CLASP2: variants seen among roughly 807,000 people sequenced by gnomAD.
The protein encoded by CLASP2 is cytoplasmic linker associated protein 2.
Under a neutral mutation model 194.4 loss-of-function variants are expected in CLASP2, and 47 were observed. The ratio of observed to expected loss-of-function variants is 0.24; its 90% CI spans 0.19 to 0.31. The LOEUF is 0.31. Ranked by LOEUF, CLASP2 falls within the 10% of genes least tolerant of loss-of-function variation. The probability of loss-of-function intolerance (pLI) is 1.00; values close to 1 mark genes in which losing one functional copy is unlikely to be tolerated. For synonymous variants in CLASP2, 619 were observed against 633.5 expected, an observed-to-expected ratio of 0.98 and a Z score of 0.34; for missense variants, 1,445 against 1,823.6, an observed-to-expected ratio of 0.79 and a Z score of 3.78.
At chr3:33,520,038 G>A (rs2154107159) in intron 34 of CLASP2, among the ~76,000 whole-genome samples, 1 of 152,264 alleles carries the variant, frequency 6.6e-6, no homozygotes, top group East Asian at 1.9e-4. Context: ...TTCTGAGACA[G>A]AGTCTTGCTC....
chr3:33,526,623 A>C (rs1275131734), intron 34 of CLASP2, among the ~76,000 whole-genome samples: 2 of 152,184 alleles, frequency 1.3e-5, no homozygotes, highest in Non-Finnish European at 2.9e-5. Context: ...CATTGGACCA[A>C]ATGGATCTGA....
chr3:33,622,946 T>C (rs2077346383), intron 10 of CLASP2, among the ~76,000 whole-genome samples: 3 of 151,912 alleles, frequency 2.0e-5, no homozygotes, highest in African/African-American at 7.3e-5. Context: ...GTAGCTGGGA[T>C]TACAGATACA....
rs1027731514 is a variant in CLASP2 at position 33,571,015 on chromosome 3, A to ATTTTTTTTTTTTT, written c.2700-238_2700-226dup. On this transcript the variant is annotated intron_variant, in intron 25 of 38. Coordinates refer to ENST00000682230, the MANE Select transcript of CLASP2 (RefSeq NM_001365631.1). ...AGATGGCAAGATCCTGTCTCTATAA[A>ATTTTTTTTTTTTT]TTTTTTTTTTTTTTTTTTGAGACGG... 5.5e-4 allele frequency among the ~76,000 whole-genome samples: 68 copies of ATTTTTTTTTTTTT among 123,906 alleles called. 5 individuals carry two copies. In the East Asian group the frequency reaches 8.5e-3, roughly 15 times the overall value. 81.3% of individuals were successfully genotyped at this position (123,906 alleles called of 152,430 possible).
intron 13 of CLASP2, among the ~76,000 whole-genome samples, chr3:33,610,880 C>T (rs2075035993): frequency 6.6e-6 from 1 of 152,184 alleles, no homozygotes. Context: ...CAGCTTCTTC[C>T]TAACACAGTA....
At chr3:33,662,498 T>C (rs999967839) in intron 7 of CLASP2, among the ~76,000 whole-genome samples, 1 of 152,338 alleles carries the variant, frequency 6.6e-6, no homozygotes, top group South Asian at 2.1e-4. Context: ...GAAGTCAATT[T>C]ATGCTTCTGG....
At chr3:33,700,376 G>A (rs1456676953) in intron 1 of CLASP2, among the ~76,000 whole-genome samples, 1 of 152,076 alleles carries the variant, frequency 6.6e-6, no homozygotes, top group Non-Finnish European at 1.5e-5. Flanking sequence ...GCAGTGAGCT[G>A]AGATTGTGTC....
chr3:33,545,909 GA>G (rs398062225), intron 30 of CLASP2, among the ~76,000 whole-genome samples: 314 of 124,384 alleles, frequency 2.5e-3, no homozygotes, highest in Non-Finnish European at 2.8e-3. Context: ...GACTTAAAAG[GA>G]AAAAAAAAAA....
At chr3:33,663,863 A>T (rs879249974) in intron 6 of CLASP2, among the ~76,000 whole-genome samples, 2 of 152,194 alleles carry the variant, frequency 1.3e-5, no homozygotes, top group Non-Finnish European at 2.9e-5. Flanking sequence ...TCACCAAGAC[A>T]TCTTTTAAAG....
intron 33 of CLASP2, 44 bp downstream of exon 33, chr3:33,538,745 G>A: frequency 7.0e-7 from 1 of 1,421,672 alleles, no homozygotes; most frequent in Non-Finnish European, 9.3e-7. Context: ...AATTATTAAT[G>A]AACAATAAAA....
chr3:33,576,321 A>G (rs2064876349), intron 23 of CLASP2, 46 bp from the exon 24 acceptor site: 1 of 1,478,580 alleles, frequency 6.8e-7, no homozygotes, highest in Non-Finnish European at 9.4e-7. Flanking sequence ...AGTCATAAAT[A>G]TAACAGTGTC....
rs776980356 is a variant in CLASP2, at chr3:33,559,373, T to G, written c.2943A>C (p.Pro981=). 1.5e-5 allele frequency: 24 copies of G among 1,587,834 alleles called. No homozygotes were observed. Among genetic ancestry groups the G allele is most frequent in the Admixed American group, 5.2e-5 (3 of 57,152 alleles). ...TTAGAATATTGAACTGAAGATCATT[T>G]GGAAAAGACTCTCTGAAACAAGAAC... ...KALDVTRESF[P]NDLQFNILMR... is the part of the protein sequence containing the mutation. Residue 981 remains proline, a synonymous_variant, in exon 29 of 39, where the codon CCA becomes CCC. Coordinates refer to ENST00000682230, the MANE Select transcript of CLASP2 (RefSeq NM_001365631.1).
intron 29 of CLASP2, 87 bp downstream of exon 29, chr3:33,559,220 A>C (rs1348105258): frequency 2.2e-6 from 2 of 901,510 alleles, no homozygotes; most frequent in Non-Finnish European, 3.5e-6. Flanking sequence ...ACAGCTTCTC[A>C]TGTGACAGAA....
At chr3:33,638,947 G>A (rs1044896941) in intron 8 of CLASP2, among the ~76,000 whole-genome samples, 2 of 152,132 alleles carry the variant, frequency 1.3e-5, no homozygotes, top group African/African-American at 2.4e-5. Flanking sequence ...AAAAAGTATA[G>A]GCAAATAAAG....
At chr3:33,592,564 A>C in intron 20 of CLASP2, 68 bp from the exon 21 acceptor site, 1 of 1,262,052 alleles carries the variant, frequency 7.9e-7, no homozygotes, top group Non-Finnish European at 1.1e-6. Context: ...TGAGAGGAGA[A>C]AATCTCACTA....
At position 33,695,079 on chromosome 3, in the gene CLASP2, T is replaced by A. The variant is rs566121901; in HGVS notation, c.274+1776A>T. ...TCTACTATAGTTTTTTTTTTTTTTT[T>A]AAAGAGATAGAGGTTTACTCTGTTG... is the stretch of plus-strand genomic sequence containing the variant. On this transcript the variant is annotated intron_variant, in intron 2 of 38. Transcript: ENST00000682230. Among the ~76,000 whole-genome samples the A allele has an allele frequency of 7.6e-3, 1,141 of 151,000 alleles. 11 individuals are homozygous for A. The highest frequency in any genetic ancestry group is 0.025 in the African/African-American group (1,045 of 41,178).
chr3:33,517,111 T>C lies in CLASP2; in HGVS notation c.3851A>G (p.Glu1284Gly). ...ELLKELSNHNERVEERKIALY... is the reference protein window; with the variant it reads ...ELLKELSNHNGRVEERKIALY... ...GGCAATTTTTCTTTCTTCTACACGC[T>C]CATTATGGTTAGACAGCTCCTTCAA... The change falls in exon 35 of 39, where the codon GAG (glutamate) becomes GGG (glycine). Residue 1284 changes from glutamate (E) to glycine (G), a missense_variant. Coordinates refer to ENST00000682230, the MANE Select transcript of CLASP2 (RefSeq NM_001365631.1). 1 of 1,613,666 alleles carries C rather than the reference T, an allele frequency of 6.2e-7. No individual in the cohort carries two copies. Among genetic ancestry groups the C allele is most frequent in the South Asian group, 1.1e-5 (1 of 91,052 alleles).
rs768069529 is a variant in CLASP2 at position 33,717,955 on chromosome 3, C to T, written c.48G>A (p.Lys16=). The change falls in exon 1 of 39, where the codon AAG becomes AAA. Residue 16 remains lysine (K), a synonymous_variant. Coordinates refer to ENST00000682230, the MANE Select transcript of CLASP2 (RefSeq NM_001365631.1). ...CGACCTGCAGCCGGCCGCCGACGTC[C>T]TTCTGCTGCACCTGGGCGCAGAAGT... ...MEYFCAQVQQ[K]DVGGRLQVGQ... 1.2e-5 allele frequency: 19 copies of T among 1,544,792 alleles called. No homozygotes were observed. Among genetic ancestry groups the T allele is most frequent in the South Asian group, 7.1e-5 (6 of 84,002 alleles).
At chr3:33,567,738 T>C (rs2062999448) in intron 26 of CLASP2, among the ~76,000 whole-genome samples, 1 of 152,188 alleles carries the variant, frequency 6.6e-6, no homozygotes, top group Non-Finnish European at 1.5e-5. Context: ...GCTAATAAAT[T>C]GGAGGTAGAA....
At chr3:33,667,629 T>C (rs1226867485) in intron 6 of CLASP2, among the ~76,000 whole-genome samples, 1 of 152,094 alleles carries the variant, frequency 6.6e-6, no homozygotes, top group East Asian at 1.9e-4. Flanking sequence ...GGCTCTTACA[T>C]TTGGTTGTAT....
Sources: gnomAD v4.1 joint callset for allele counts (sites outside exome capture counted in the v4.1 genomes callset) on GRCh38, gnomAD v4.1.1 for gene constraint, MANE v1.5 for transcripts, NCBI Gene and HGNC (gene_info 2026-07-23, HGNC 2026-07-21) for gene names.